Variants in RBFOX3 observed in about 807,000 individuals in gnomAD.
The protein encoded by RBFOX3 is RNA binding fox-1 homolog 3.
RBFOX3 carries 17 observed loss-of-function variants against 48.7 expected under a neutral mutation model. That is an observed-to-expected ratio of 0.35 (90% CI 0.24 to 0.52). RBFOX3 has a LOEUF of 0.52. Ranked by LOEUF, RBFOX3 falls within the 20% of genes least tolerant of loss-of-function variation. The probability of loss-of-function intolerance (pLI) is 0.94; values close to 1 mark genes in which losing one functional copy is unlikely to be tolerated. For missense variants in RBFOX3, 382 were observed against 497.5 expected (o/e 0.77, Z 2.21); for synonymous variants, 212 against 209.5 (o/e 1.01, Z -0.10).
At chr17:79,415,238 C>A (rs1760088555) in intron 2 of RBFOX3, among the ~76,000 whole-genome samples, 1 of 152,200 alleles carries the variant, frequency 6.6e-6, no homozygotes, top group African/African-American at 2.4e-5. Flanking sequence ...TCGTTTAAGC[C>A]CAGATGAGTT....
In RBFOX3 at chr17:79,482,862, G is replaced by A. The variant is rs62062832; in HGVS notation, c.-319-264C>T. ...ACAGCCACCGTGCAGTCCATCCCAG[G>A]GTCCGCCCCTCTCCCAGCCCGCTTG... On this transcript the variant is annotated intron_variant, in intron 1 of 14. Transcript: ENST00000693108. The surrounding 1 kb of genome is among the most constrained non-coding windows in gnomAD (Gnocchi z 4.1). 0.14 allele frequency among the ~76,000 whole-genome samples: 21,823 copies of A among 151,670 alleles called. 1,835 individuals are homozygous for A. The highest frequency in any genetic ancestry group is 0.41 in the East Asian group (2,104 of 5,124).
At chr17:79,637,179 G>A in the RBFOX3 span, among the ~76,000 whole-genome samples, 1 of 152,180 alleles carries the variant, frequency 6.6e-6, no homozygotes, top group Non-Finnish European at 1.5e-5. Context: ...GCTAAAGGGA[G>A]TGATAGACAG....
chr17:79,270,351 C>A (rs1382149554), intron 3 of RBFOX3, among the ~76,000 whole-genome samples: 1 of 152,086 alleles, frequency 6.6e-6, no homozygotes, highest in Non-Finnish European at 1.5e-5. Context: ...CCTCAGATAC[C>A]CAAACCTCTA....
chr17:79,655,684 C>T, the RBFOX3 span, among the ~76,000 whole-genome samples: 8 of 152,286 alleles, frequency 5.3e-5, no homozygotes, highest in African/African-American at 1.9e-4. Context: ...CACTGAGACT[C>T]TTATGAGGTA....
chr17:79,207,228 G>A (rs888159384), intron 4 of RBFOX3, among the ~76,000 whole-genome samples: 3 of 152,212 alleles, frequency 2.0e-5, no homozygotes, highest in Admixed American at 2.0e-4. Flanking sequence ...ATCACCCATG[G>A]TCTAATGAGC....
chr17:79,166,771 G>A (rs2048090910), intron 4 of RBFOX3, among the ~76,000 whole-genome samples: 1 of 152,200 alleles, frequency 6.6e-6, no homozygotes, highest in African/African-American at 2.4e-5. Context: ...GGCTCAGTGG[G>A]AGAATCGAAA....
intron 2 of RBFOX3, among the ~76,000 whole-genome samples, chr17:79,463,765 C>T (rs2075917044): frequency 6.6e-6 from 1 of 150,966 alleles, no homozygotes; most frequent in Admixed American, 6.6e-5. Context: ...CTACCGCCAT[C>T]ACCACTGCCA....
At chr17:79,150,710 C>T (rs2044227060) in intron 4 of RBFOX3, among the ~76,000 whole-genome samples, 1 of 152,170 alleles carries the variant, frequency 6.6e-6, no homozygotes. Flanking sequence ...CCAGCAACCC[C>T]ACACCTGCCC....
chr17:79,359,346 G>A lies in RBFOX3; in HGVS notation c.-174-51522C>T, dbSNP rs79734172. On this transcript the variant is annotated intron_variant, in intron 2 of 14. Transcript: ENST00000693108. ...GTAGTACTAGTCTATCTCAAATATG[G>A]CATGGAACATATTTACACTAAACAC... Among the ~76,000 whole-genome samples, 11 of 152,306 alleles carry A rather than the reference G, an allele frequency of 7.2e-5. No homozygotes were observed. The East Asian group carries it at 2.1e-3, about 29-fold the overall frequency.
intron 3 of RBFOX3, among the ~76,000 whole-genome samples, chr17:79,286,540 G>A (rs189677332): frequency 2.0e-4 from 31 of 152,326 alleles, no homozygotes; most frequent in Admixed American, 1.7e-3. Context: ...AACTGTGCAG[G>A]GAGGGTTTGC....
At chr17:79,394,061 T>C (rs1349925349) in intron 2 of RBFOX3, among the ~76,000 whole-genome samples, 1 of 151,674 alleles carries the variant, frequency 6.6e-6, no homozygotes. Context: ...TCAGTGCACA[T>C]CCGAGCCCGT....
intron 3 of RBFOX3, among the ~76,000 whole-genome samples, chr17:79,295,152 C>A (rs566685752): frequency 1.3e-5 from 2 of 152,280 alleles, no homozygotes; most frequent in Admixed American, 6.5e-5. Context: ...TCTCAGAGGC[C>A]ACGGTTTGAC....
chr17:79,567,833 C>T (rs2092525577), intron 1 of RBFOX3, among the ~76,000 whole-genome samples: 1 of 152,148 alleles, frequency 6.6e-6, no homozygotes, highest in African/African-American at 2.4e-5. Flanking sequence ...CTAGCCAAGT[C>T]AAATCAATAA....
intron 2 of RBFOX3, among the ~76,000 whole-genome samples, chr17:79,456,713 T>C (rs964014286): frequency 1.3e-5 from 2 of 152,160 alleles, no homozygotes; most frequent in Non-Finnish European, 1.5e-5. Flanking sequence ...CCCACCACAC[T>C]TGAATTGATT....
At chr17:79,425,781 C>T (rs935903258) in intron 2 of RBFOX3, among the ~76,000 whole-genome samples, 1 of 151,636 alleles carries the variant, frequency 6.6e-6, no homozygotes, top group Admixed American at 6.6e-5. Context: ...CCGGGGGTTC[C>T]GAAAGACACT....
intron 4 of RBFOX3, among the ~76,000 whole-genome samples, chr17:79,176,738 T>C (rs1355432381): frequency 6.7e-6 from 1 of 150,008 alleles, no homozygotes; most frequent in Non-Finnish European, 1.5e-5. Context: ...TGGCTCTCCC[T>C]GAAGGAGAGA....
At chr17:79,552,691 G>A (rs1394565392) in intron 1 of RBFOX3, among the ~76,000 whole-genome samples, 5 of 152,020 alleles carry the variant, frequency 3.3e-5, no homozygotes, top group Admixed American at 6.5e-5. Flanking sequence ...GGAGTTTATC[G>A]AGGTGTAAAA....
At chr17:79,330,324 TC>T (rs1365309946) in intron 2 of RBFOX3, among the ~76,000 whole-genome samples, 1 of 152,144 alleles carries the variant, frequency 6.6e-6, no homozygotes, top group Non-Finnish European at 1.5e-5. Flanking sequence ...TGCAGGGGCT[TC>T]CCCTCTTGCC....
intron 4 of RBFOX3, among the ~76,000 whole-genome samples, chr17:79,202,925 C>T (rs1016489420): frequency 2.6e-5 from 4 of 152,200 alleles, no homozygotes; most frequent in African/African-American, 4.8e-5. Flanking sequence ...CCCCGAGGGG[C>T]TAAGCCCCCA....
Sources: gnomAD v4.1 joint callset for allele counts (sites outside exome capture counted in the v4.1 genomes callset) on GRCh38, gnomAD v4.1.1 for gene constraint, Gnocchi (gnomAD v3.1) non-coding constraint, MANE v1.5 for transcripts, NCBI Gene and HGNC (gene_info 2026-07-23, HGNC 2026-07-21) for gene names.